Variants in KDM7A observed in about 807,000 individuals in gnomAD.
The protein encoded by KDM7A is lysine-specific demethylase 7A.
Under a neutral mutation model 114.8 loss-of-function variants are expected in KDM7A, and 28 were observed. The ratio of observed to expected loss-of-function variants is 0.24; its 90% CI spans 0.18 to 0.33. The LOEUF is 0.33. Among genes scored for constraint, KDM7A ranks in the 10% least tolerant of loss-of-function variants. The pLI is 1.00. For missense variants in KDM7A, 942 were observed against 1,142.5 expected, an observed-to-expected ratio of 0.82 and a Z score of 2.53; for synonymous variants, 423 against 397.8, an observed-to-expected ratio of 1.06 and a Z score of -0.75.
At chr7:140,108,211 G>A (rs1231927369) in intron 11 of KDM7A, among the ~76,000 whole-genome samples, 2 of 151,938 alleles carry the variant, frequency 1.3e-5, no homozygotes, top group African/African-American at 2.4e-5. Context: ...TCTTTGCGAT[G>A]GGTTTGAACA....
rs533070208 is a variant in KDM7A at position 140,154,814 on chromosome 7, C to T, written c.195-15624G>A. 8.6e-5 allele frequency among the ~76,000 whole-genome samples: 13 copies of T among 152,032 alleles called. No homozygotes were observed. The South Asian group carries it at 2.5e-3, about 29-fold the overall frequency. On this transcript the variant is annotated intron_variant, in intron 1 of 19. Transcript: ENST00000397560. The stretch of plus-strand genomic sequence containing the variant: ...CCACCTTGGAAAATTGCCTTAGAAG[C>T]TAATTTTCAGACTCATCAGCTATGA...
In KDM7A at chr7:140,163,788, T is replaced by G. The variant is rs1031824012; in HGVS notation, c.194+12956A>C. Among the ~76,000 whole-genome samples, 95 of 152,106 alleles carry G rather than the reference T, an allele frequency of 6.2e-4. 1 individual carries two copies. The highest frequency in any genetic ancestry group is 2.2e-3 in the African/African-American group (93 of 41,398). The stretch of plus-strand genomic sequence containing the variant: ...CTAATTAATCAATTAACTGAAAAAA[T>G]CAGTGATAATGGAAAAGAATCAAGC... On this transcript the variant is annotated intron_variant, in intron 1 of 19. Coordinates refer to ENST00000397560, the MANE Select transcript of KDM7A (RefSeq NM_030647.2).
Position 140,098,973 on chromosome 7 carries a change from CTCT to C in KDM7A, c.1821_1823del (p.Glu608del). 1 of 1,612,952 alleles carries C rather than the reference CTCT, an allele frequency of 6.2e-7. No homozygotes were observed. Among genetic ancestry groups the C allele is most frequent in the Non-Finnish European group, 8.5e-7 (1 of 1,179,278 alleles). On this transcript the variant is annotated inframe_deletion, in exon 14 of 20. Transcript: ENST00000397560. Reference sequence around the variant, plus strand: ...TTGCCTTTTTTGTCCTTCTTTTATCCTCTTCATTTTCACTATCTGCTGTATAAA... The same window carrying C: ...TTGCCTTTTTTGTCCTTCTTTTATCCTCATTTTCACTATCTGCTGTATAAA...
At chr7:140,157,459 C>A (rs974143893) in intron 1 of KDM7A, among the ~76,000 whole-genome samples, 7 of 152,116 alleles carry the variant, frequency 4.6e-5, no homozygotes, top group African/African-American at 1.7e-4. Flanking sequence ...TCAAGACCAG[C>A]CTGGGCAACA....
intron 1 of KDM7A, among the ~76,000 whole-genome samples, chr7:140,146,533 CCTT>C (rs1794342051): frequency 6.6e-6 from 1 of 152,322 alleles, no homozygotes; most frequent in Non-Finnish European, 1.5e-5. Context: ...TGGCACATAA[CCTT>C]CTTTAGTCTC....
intron 1 of KDM7A, among the ~76,000 whole-genome samples, chr7:140,153,893 A>G (rs9690693): frequency 0.34 from 52,408 of 151,954 alleles, 9,282 homozygotes; most frequent in Middle Eastern, 0.43. Flanking sequence ...ACTTTCGATT[A>G]TCTATTTTGC....
At chr7:140,147,292 CTA>C (rs142568364) in intron 1 of KDM7A, among the ~76,000 whole-genome samples, 58 of 152,250 alleles carry the variant, frequency 3.8e-4, no homozygotes, top group African/African-American at 1.3e-3. Flanking sequence ...TTTTTGTTGA[CTA>C]TTAACTGTGC....
At position 140,102,167 on chromosome 7, in the gene KDM7A, G is replaced by A. The variant is rs369814534; in HGVS notation, c.1429-7C>T. 5.5e-5 allele frequency: 88 copies of A among 1,595,782 alleles called. No homozygotes were observed. In the African/African-American group the frequency reaches 1.1e-3, roughly 20 times the overall value. ...CTGGTTTGCCGTTTTCCTCCTTTAA[G>A]AATTAAAATCAGAGTATTTTTATAA... On this transcript the variant is annotated splice_polypyrimidine_tract_variant and splice_region_variant and intron_variant, in intron 11 of 19. Transcript: ENST00000397560.
intron 1 of KDM7A, among the ~76,000 whole-genome samples, chr7:140,143,058 G>A (rs1266984343): frequency 1.3e-5 from 2 of 151,666 alleles, no homozygotes; most frequent in Non-Finnish European, 2.9e-5. Flanking sequence ...GTGGGCGCCT[G>A]TAGTCCCCAC....
intron 11 of KDM7A, among the ~76,000 whole-genome samples, chr7:140,104,713 A>C (rs1460479727): frequency 6.6e-6 from 1 of 152,172 alleles, no homozygotes; most frequent in Non-Finnish European, 1.5e-5. Context: ...GTATAGTTTG[A>C]AGTCAGGTAG....
chr7:140,108,287 A>C (rs1818374103), intron 11 of KDM7A, among the ~76,000 whole-genome samples: 1 of 152,108 alleles, frequency 6.6e-6, no homozygotes, highest in South Asian at 2.1e-4. Context: ...TCAACTTGTC[A>C]AAGTCATTCT....
intron 1 of KDM7A, among the ~76,000 whole-genome samples, chr7:140,141,010 A>G (rs974552103): frequency 6.6e-6 from 1 of 152,218 alleles, no homozygotes; most frequent in African/African-American, 2.4e-5. Context: ...TCCATAAACC[A>G]ACAATATAAA....
At chr7:140,133,431 T>TA in intron 3 of KDM7A, 108 bp downstream of exon 3, 4 of 636,258 alleles carry the variant, frequency 6.3e-6, no homozygotes, top group Non-Finnish European at 1.1e-5. Context: ...CTGAGGACAA[T>TA]AATGGGTTGC....
chr7:140,113,249 C>T (rs1382766338), intron 10 of KDM7A, among the ~76,000 whole-genome samples: 3 of 152,176 alleles, frequency 2.0e-5, no homozygotes, highest in Non-Finnish European at 2.9e-5. Context: ...AGTCAATTTC[C>T]TAAATATACT....
intron 14 of KDM7A, among the ~76,000 whole-genome samples, chr7:140,097,987 T>C (rs190481155): frequency 1.5e-3 from 222 of 152,364 alleles, no homozygotes; most frequent in African/African-American, 5.0e-3. Context: ...CCTTTTGCAT[T>C]AGTTGTATCA....
intron 1 of KDM7A, among the ~76,000 whole-genome samples, chr7:140,159,551 G>A (rs912203082): frequency 1.3e-5 from 2 of 152,096 alleles, no homozygotes; most frequent in African/African-American, 2.4e-5. Flanking sequence ...GCCTTTTCGC[G>A]TTATGCATAT....
chr7:140,158,528 C>G (rs935843624), intron 1 of KDM7A, among the ~76,000 whole-genome samples: 10 of 152,134 alleles, frequency 6.6e-5, no homozygotes, highest in Non-Finnish European at 1.3e-4. Flanking sequence ...GGGAGGGAGT[C>G]GTGGGGTTTC....
At chr7:140,153,992 G>A (rs937531836) in intron 1 of KDM7A, among the ~76,000 whole-genome samples, 1 of 152,156 alleles carries the variant, frequency 6.6e-6, no homozygotes, top group African/African-American at 2.4e-5. Flanking sequence ...ACAGACGCGT[G>A]CCTGTTATTT....
intron 2 of KDM7A, among the ~76,000 whole-genome samples, chr7:140,137,201 A>T (rs574055652): frequency 1.3e-5 from 2 of 152,300 alleles, no homozygotes; most frequent in Non-Finnish European, 2.9e-5. Flanking sequence ...GCCTGGTCTT[A>T]TGTTCTTCAG....
Sources: gnomAD v4.1 joint callset for allele counts (sites outside exome capture counted in the v4.1 genomes callset) on GRCh38, gnomAD v4.1.1 for gene constraint, MANE v1.5 for transcripts, NCBI Gene and HGNC (gene_info 2026-07-23, HGNC 2026-07-21) for gene names.